Variants in TMEM132D observed in about 807,000 individuals in gnomAD.
The protein encoded by TMEM132D is transmembrane protein 132D.
Under a neutral mutation model 62.3 loss-of-function variants are expected in TMEM132D, and 21 were observed. The observed-to-expected ratio is 0.34, with a 90% confidence interval of 0.24 to 0.49. TMEM132D has a LOEUF of 0.49. Ranked by LOEUF, TMEM132D falls within the 20% of genes least tolerant of loss-of-function variation. TMEM132D has a pLI of 0.99. For synonymous variants in TMEM132D, 621 were observed against 575.6 expected, an observed-to-expected ratio of 1.08 and a Z score of -1.13; for missense variants, 1,346 against 1,402.8, an observed-to-expected ratio of 0.96 and a Z score of 0.65.
At chr12:129,103,863 T>C (rs534655140) in intron 5 of TMEM132D, among the ~76,000 whole-genome samples, 2 of 152,236 alleles carry the variant, frequency 1.3e-5, no homozygotes, top group African/African-American at 2.4e-5. Flanking sequence ...CAAGGAGAAC[T>C]ACAAACCACT....
At chr12:129,244,563 A>G (rs987052649) in intron 4 of TMEM132D, among the ~76,000 whole-genome samples, 5 of 152,202 alleles carry the variant, frequency 3.3e-5, no homozygotes, top group Non-Finnish European at 7.3e-5. Context: ...ATTTGTATTT[A>G]GCACTCACAA....
intron 2 of TMEM132D, among the ~76,000 whole-genome samples, chr12:129,646,216 C>G (rs1879774583): frequency 6.6e-6 from 1 of 152,204 alleles, no homozygotes; most frequent in African/African-American, 2.4e-5. Flanking sequence ...TTACATTTTT[C>G]TGCCCCAGAG....
intron 1 of TMEM132D, among the ~76,000 whole-genome samples, chr12:129,774,331 C>A (rs1037322257): frequency 6.6e-6 from 1 of 152,144 alleles, no homozygotes; most frequent in Admixed American, 6.5e-5. Flanking sequence ...ACTTCCTGGG[C>A]CCACCCTTCA....
chr12:129,804,561 A>G (rs371211447), intron 1 of TMEM132D, among the ~76,000 whole-genome samples: 11,209 of 149,444 alleles, frequency 0.075, 511 homozygotes, highest in African/African-American at 0.11. Flanking sequence ...AGAGCTATCT[A>G]TGACAAACCC....
At chr12:129,741,974 T>C (rs1448184244) in intron 1 of TMEM132D, among the ~76,000 whole-genome samples, 1 of 152,164 alleles carries the variant, frequency 6.6e-6, no homozygotes, top group Non-Finnish European at 1.5e-5. Context: ...GGGTCATAAC[T>C]TATTCCCAAA....
chr12:129,818,435 G>T (rs79242327), intron 1 of TMEM132D, among the ~76,000 whole-genome samples: 146,452 of 146,742 alleles, frequency 1, 73,081 homozygotes, highest in Non-Finnish European at 1. Flanking sequence ...GTGTGTGGTG[G>T]GGGGGTGTGT....
intron 3 of TMEM132D, among the ~76,000 whole-genome samples, chr12:129,388,562 A>C (rs1240467672): frequency 2.0e-5 from 2 of 101,374 alleles, no homozygotes; most frequent in Admixed American, 9.4e-5. Flanking sequence ...CACTAACATG[A>C]ATCCTAATAT....
intron 5 of TMEM132D, among the ~76,000 whole-genome samples, chr12:129,132,718 T>G (rs1049502058): frequency 1.3e-5 from 2 of 152,230 alleles, no homozygotes; most frequent in African/African-American, 4.8e-5. Context: ...TTTTATAATG[T>G]ACAGGTATAT....
At chr12:129,172,230 C>T (rs774941839) in intron 5 of TMEM132D, among the ~76,000 whole-genome samples, 1 of 152,238 alleles carries the variant, frequency 6.6e-6, no homozygotes, top group Non-Finnish European at 1.5e-5. Flanking sequence ...GCAGCTTCCT[C>T]GCTCCTCTCA....
chr12:129,463,153 TC>T (rs778646442), intron 3 of TMEM132D, among the ~76,000 whole-genome samples: 4 of 152,210 alleles, frequency 2.6e-5, no homozygotes, highest in Non-Finnish European at 5.9e-5. Flanking sequence ...AGAATCAAAC[TC>T]TGCTTTTCTC....
At chr12:129,136,902 CCAT>C (rs1565975496) in intron 5 of TMEM132D, among the ~76,000 whole-genome samples, 1 of 151,192 alleles carries the variant, frequency 6.6e-6, no homozygotes, top group African/African-American at 2.4e-5. Context: ...ACCATCATCA[CCAT>C]CATCATCACC....
chr12:129,082,292 T>C (rs908768504), intron 6 of TMEM132D, among the ~76,000 whole-genome samples: 3 of 152,180 alleles, frequency 2.0e-5, no homozygotes, highest in Non-Finnish European at 4.4e-5. Context: ...TTTACTACTT[T>C]GTGTAAACCT....
At chr12:129,833,009 T>C (rs1051413486) in intron 1 of TMEM132D, among the ~76,000 whole-genome samples, 1 of 152,218 alleles carries the variant, frequency 6.6e-6, no homozygotes, top group African/African-American at 2.4e-5. Context: ...TACGGGTTCT[T>C]CACACTGATG....
intron 4 of TMEM132D, among the ~76,000 whole-genome samples, chr12:129,329,875 T>C (rs7972717): frequency 0.75 from 113,504 of 152,018 alleles, 42,669 homozygotes; most frequent in Middle Eastern, 0.82. Context: ...GGGGAGAGTA[T>C]GGTTGGTGAA....
At chr12:129,229,733 GT>G (rs745737633) in intron 4 of TMEM132D, among the ~76,000 whole-genome samples, 15 of 152,188 alleles carry the variant, frequency 9.9e-5, no homozygotes, top group African/African-American at 1.4e-4. Flanking sequence ...AGTGGGTCTT[GT>G]TTAGAATTTT....
At chr12:129,245,948 G>A (rs1378559240) in intron 4 of TMEM132D, among the ~76,000 whole-genome samples, 2 of 152,118 alleles carry the variant, frequency 1.3e-5, no homozygotes, top group African/African-American at 4.8e-5. Context: ...CCACTCTTGG[G>A]TACACTTCTG....
chr12:129,219,463 A>G (rs78689442), intron 4 of TMEM132D, among the ~76,000 whole-genome samples: 8,970 of 152,250 alleles, frequency 0.059, 550 homozygotes, highest in East Asian at 0.32. Flanking sequence ...CTTCGCTCAC[A>G]TGGGTGCAAC....
At chr12:129,469,255 C>T (rs921586043) in intron 3 of TMEM132D, among the ~76,000 whole-genome samples, 13 of 152,144 alleles carry the variant, frequency 8.5e-5, no homozygotes, top group East Asian at 1.9e-4. Flanking sequence ...AAGTGTCTTC[C>T]ATTTTTGGTT....
chr12:129,646,220 C>T (rs1175694360), intron 2 of TMEM132D, among the ~76,000 whole-genome samples: 1 of 152,168 alleles, frequency 6.6e-6, no homozygotes, highest in Non-Finnish European at 1.5e-5. Context: ...ATTTTTCTGC[C>T]CCAGAGTTCA....
Sources: allele counts gnomAD v4.1 joint callset (sites outside exome capture counted in the v4.1 genomes callset), GRCh38; gene constraint gnomAD v4.1.1; transcripts MANE v1.5; gene names NCBI Gene and HGNC (gene_info 2026-07-23, HGNC 2026-07-21).